The following SNTB1 variants were observed in gnomAD, a reference collection of about 807,000 sequenced individuals.
SNTB1 encodes syntrophin beta 1.
In SNTB1, 36 loss-of-function variants were observed where a neutral mutation model predicts 48.9. The observed-to-expected ratio is 0.74, with a 90% CI of 0.56 to 0.97. The LOEUF is 0.97. Among genes scored for constraint, SNTB1 ranks in the 50% least tolerant of loss-of-function variants. SNTB1 has a pLI of 0.00. For synonymous variants in SNTB1, 299 were observed against 294.6 expected, an observed-to-expected ratio of 1.01 and a Z score of -0.15; for missense variants, 786 against 703.4, an observed-to-expected ratio of 1.12 and a Z score of -1.33.
intron 1 of SNTB1, among the ~76,000 whole-genome samples, chr8:120,723,552 C>A (rs1818704246): frequency 6.6e-6 from 1 of 152,130 alleles, no homozygotes; most frequent in African/African-American, 2.4e-5. Context: ...CTGTATATCC[C>A]TTCATTCACT....
chr8:120,539,111 C>T, intron 6 of SNTB1, 142 bp from the exon 7 acceptor site: 1 of 606,022 alleles, frequency 1.7e-6, no homozygotes, highest in Admixed American at 3.1e-5. Context: ...ATCACTGCCC[C>T]TCAATGAGAT....
rs1563812611 is a variant in SNTB1, at chr8:120,541,832, A to T, written c.1502T>A (p.Phe501Tyr). 1 of 1,612,520 alleles carries T rather than the reference A, an allele frequency of 6.2e-7. No homozygotes were observed. Among genetic ancestry groups the T allele is most frequent in the Non-Finnish European group, 8.5e-7 (1 of 1,179,502 alleles). ...TACAATCTCTCCATCTTTGCCTCCA[A>T]AATCTAAATACAGCATCCTGATTCC... ...DDGIRMLYLD[F>Y]GGKDGEIQLD... Residue 501 changes from phenylalanine (F) to tyrosine (Y), a missense_variant, in exon 6 of 7, where the codon TTT becomes TAT. Phe to Tyr is a conservative substitution (Grantham distance 22). Coordinates refer to ENST00000517992, the MANE Select transcript of SNTB1 (RefSeq NM_021021.4).
chr8:120,723,770 A>C (rs1190560540), intron 1 of SNTB1, among the ~76,000 whole-genome samples: 2 of 152,234 alleles, frequency 1.3e-5, no homozygotes, highest in Non-Finnish European at 2.9e-5. Context: ...GCCTAGCAAG[A>C]CTACCATAAA....
At chr8:120,602,673 A>G (rs1054725028) in intron 3 of SNTB1, among the ~76,000 whole-genome samples, 1 of 152,058 alleles carries the variant, frequency 6.6e-6, no homozygotes, top group Admixed American at 6.5e-5. Flanking sequence ...CACACATCCT[A>G]TTGCTCCTGT....
chr8:120,708,024 TGTCACA>T (rs1210499082), intron 1 of SNTB1, among the ~76,000 whole-genome samples: 1 of 151,878 alleles, frequency 6.6e-6, no homozygotes. Flanking sequence ...ACATACAAAC[TGTCACA>T]TTTGATGAAA....
chr8:120,733,651 T>C (rs982096298), intron 1 of SNTB1, among the ~76,000 whole-genome samples: 1 of 152,226 alleles, frequency 6.6e-6, no homozygotes, highest in Admixed American at 6.5e-5. Flanking sequence ...CAAACAACCA[T>C]ATCCCTTCCA....
intron 2 of SNTB1, among the ~76,000 whole-genome samples, chr8:120,685,747 T>C (rs1818020602): frequency 6.6e-6 from 1 of 152,248 alleles, no homozygotes. Flanking sequence ...GATCTTTAAG[T>C]GTTGCATCTC....
At chr8:120,729,989 T>A (rs1302958790) in intron 1 of SNTB1, among the ~76,000 whole-genome samples, 1 of 152,212 alleles carries the variant, frequency 6.6e-6, no homozygotes, top group East Asian at 1.9e-4. Flanking sequence ...AAAGCAGTTG[T>A]CTCACTCAAC....
At chr8:120,545,973 A>G (rs1815373852) in intron 5 of SNTB1, among the ~76,000 whole-genome samples, 1 of 152,212 alleles carries the variant, frequency 6.6e-6, no homozygotes, top group Admixed American at 6.5e-5. Context: ...TTTGTAGATG[A>G]GGAAACTAAC....
At chr8:120,623,313 T>C (rs1429511164) in intron 3 of SNTB1, among the ~76,000 whole-genome samples, 1 of 152,218 alleles carries the variant, frequency 6.6e-6, no homozygotes, top group Non-Finnish European at 1.5e-5. Flanking sequence ...TCCAAAAGCC[T>C]ACTGGTGAGT....
At chr8:120,770,226 C>T (rs1050879292) in intron 1 of SNTB1, among the ~76,000 whole-genome samples, 6 of 152,144 alleles carry the variant, frequency 3.9e-5, no homozygotes, top group African/African-American at 1.4e-4. Context: ...GTGGCTTTTC[C>T]TCCCAACAAA....
intron 2 of SNTB1, among the ~76,000 whole-genome samples, chr8:120,680,819 T>G (rs541516367): frequency 6.6e-6 from 1 of 152,328 alleles, no homozygotes; most frequent in Non-Finnish European, 1.5e-5. Context: ...CAAAAATCCT[T>G]CAGCACCCAG....
intron 2 of SNTB1, among the ~76,000 whole-genome samples, chr8:120,689,791 T>C (rs942826397): frequency 6.6e-6 from 1 of 152,244 alleles, no homozygotes; most frequent in Non-Finnish European, 1.5e-5. Flanking sequence ...ATTGATTTTC[T>C]AGTTTTATTC....
chr8:120,791,204 G>A lies in SNTB1; in HGVS notation c.571+20069C>T, dbSNP rs567475297. On this transcript the variant is annotated intron_variant, in intron 1 of 6. Coordinates refer to ENST00000517992, the MANE Select transcript of SNTB1 (RefSeq NM_021021.4). ...AAAGCATACAAAAACATAAATTGGG[G>A]AAAGGAGGCAATAAATGTTGATAGG... Among the ~76,000 whole-genome samples, 6 of 151,834 alleles carry A rather than the reference G, an allele frequency of 4.0e-5. No homozygotes were observed. In the South Asian group the frequency reaches 1.0e-3, roughly 26 times the overall value.
chr8:120,593,876 T>A (rs1015055324), intron 3 of SNTB1, among the ~76,000 whole-genome samples: 1 of 152,136 alleles, frequency 6.6e-6, no homozygotes, highest in Non-Finnish European at 1.5e-5. Context: ...AGAGGGGACA[T>A]ACCAAACTCT....
At chr8:120,617,690 C>A (rs1816737071) in intron 3 of SNTB1, among the ~76,000 whole-genome samples, 1 of 152,108 alleles carries the variant, frequency 6.6e-6, no homozygotes, top group Non-Finnish European at 1.5e-5. Context: ...AATAGCGTGT[C>A]CAACCTTGCT....
chr8:120,643,862 A>G (rs968958516), intron 2 of SNTB1, among the ~76,000 whole-genome samples: 3 of 152,160 alleles, frequency 2.0e-5, no homozygotes, highest in Admixed American at 6.5e-5. Flanking sequence ...TAGTGGTTTT[A>G]CTAGTTTACA....
In SNTB1 at chr8:120,645,445, C is replaced by T. The variant is rs913771200; in HGVS notation, c.789-12794G>A. Among the ~76,000 whole-genome samples the T allele has an allele frequency of 6.0e-5, 9 of 151,204 alleles. No homozygotes were observed. The East Asian group carries it at 1.6e-3, about 26-fold the overall frequency. On this transcript the variant is annotated intron_variant, in intron 2 of 6. Coordinates refer to ENST00000517992, the MANE Select transcript of SNTB1 (RefSeq NM_021021.4). The stretch of plus-strand genomic sequence containing the variant: ...AATCCTTTCCCCATTGCTTGTTTTT[C>T]TCAGGTTTGTCAAAGATCAGATAGT...
At chr8:120,752,622 A>G (rs1339542536) in intron 1 of SNTB1, among the ~76,000 whole-genome samples, 1 of 152,210 alleles carries the variant, frequency 6.6e-6, no homozygotes. Context: ...CTACACAGCC[A>G]TAAAAAAGAA....
Sources: gnomAD v4.1 joint callset for allele counts (sites outside exome capture counted in the v4.1 genomes callset) on GRCh38, gnomAD v4.1.1 for gene constraint, MANE v1.5 for transcripts, NCBI Gene and HGNC (gene_info 2026-07-23, HGNC 2026-07-21) for gene names.